The following HPSE2 variants were observed in gnomAD, a reference collection of about 807,000 sequenced individuals.
HPSE2 encodes inactive heparanase-2.
HPSE2 carries 38 observed loss-of-function variants against 60.5 expected under a neutral mutation model. That is an observed-to-expected ratio of 0.63 (90% CI 0.48 to 0.82). The LOEUF (loss-of-function observed/expected upper bound fraction) is 0.82. Among genes scored for constraint, HPSE2 ranks in the 40% least tolerant of loss-of-function variants. The probability of loss-of-function intolerance (pLI) is 0.00; values close to 1 mark genes in which losing one functional copy is unlikely to be tolerated. For synonymous variants in HPSE2, 295 were observed against 293.2 expected, an observed-to-expected ratio of 1.01 and a Z score of -0.06; for missense variants, 713 against 740.4, an observed-to-expected ratio of 0.96 and a Z score of 0.43.
At chr10:98,895,968 G>A (rs996553535) in intron 3 of HPSE2, among the ~76,000 whole-genome samples, 9 of 149,908 alleles carry the variant, frequency 6.0e-5, no homozygotes, top group Admixed American at 2.0e-4. Context: ...ATAGCCTTAG[G>A]AGATATGCCT....
chr10:99,150,690 T>C (rs1223417746), intron 2 of HPSE2, among the ~76,000 whole-genome samples: 1 of 152,204 alleles, frequency 6.6e-6, no homozygotes, highest in Non-Finnish European at 1.5e-5. Flanking sequence ...ATGCTTTCCA[T>C]GCAAGCTTGG....
chr10:99,172,351 G>A (rs1847343255), intron 2 of HPSE2, among the ~76,000 whole-genome samples: 1 of 152,128 alleles, frequency 6.6e-6, no homozygotes, highest in South Asian at 2.1e-4. Flanking sequence ...CAGCCTCAGG[G>A]GACCTACAGA....
intron 2 of HPSE2, among the ~76,000 whole-genome samples, chr10:99,202,881 T>C (rs1400988738): frequency 6.6e-6 from 1 of 152,102 alleles, no homozygotes; most frequent in Non-Finnish European, 1.5e-5. Context: ...GGGACAATTT[T>C]ACCCATGTCA....
chr10:98,891,710 C>A (rs1218163509), intron 3 of HPSE2, among the ~76,000 whole-genome samples: 3 of 152,158 alleles, frequency 2.0e-5, no homozygotes, highest in Non-Finnish European at 4.4e-5. Flanking sequence ...CCCAGCTCGG[C>A]CCCTCAAAGC....
At chr10:99,018,587 A>G (rs1283341375) in intron 3 of HPSE2, among the ~76,000 whole-genome samples, 2 of 129,628 alleles carry the variant, frequency 1.5e-5, no homozygotes, top group Admixed American at 7.5e-5. Flanking sequence ...ACAGAGTAGT[A>G]AAGTTTCCAA....
chr10:98,924,263 T>C (rs1431270158), intron 3 of HPSE2, among the ~76,000 whole-genome samples: 2 of 151,856 alleles, frequency 1.3e-5, no homozygotes, highest in African/African-American at 4.8e-5. Flanking sequence ...AACTGGGGGG[T>C]GTAGTGATGC....
intron 3 of HPSE2, among the ~76,000 whole-genome samples, chr10:98,911,526 A>G (rs749360359): frequency 2.6e-5 from 4 of 152,156 alleles, no homozygotes; most frequent in Admixed American, 2.0e-4. Flanking sequence ...CTGAAATAGC[A>G]CAGAGACATT....
the HPSE2 span, among the ~76,000 whole-genome samples, chr10:99,266,558 C>T: frequency 6.6e-6 from 1 of 152,130 alleles, no homozygotes; most frequent in East Asian, 1.9e-4. Context: ...TCTTTCTCTA[C>T]TCACCCTTGT....
chr10:99,285,064 T>G, the HPSE2 span, among the ~76,000 whole-genome samples: 3 of 152,132 alleles, frequency 2.0e-5, no homozygotes, highest in African/African-American at 7.2e-5. Flanking sequence ...ACTTTTATTT[T>G]AGAATCAGGG....
At chr10:99,184,328 C>G (rs1847888324) in intron 2 of HPSE2, among the ~76,000 whole-genome samples, 1 of 151,686 alleles carries the variant, frequency 6.6e-6, no homozygotes, top group African/African-American at 2.4e-5. Flanking sequence ...AGTTTGAGAC[C>G]AGCCTGACCA....
intron 2 of HPSE2, among the ~76,000 whole-genome samples, chr10:99,159,331 C>T (rs2060195988): frequency 6.6e-6 from 1 of 152,068 alleles, no homozygotes; most frequent in African/African-American, 2.4e-5. Flanking sequence ...AGGTTTCAAA[C>T]ATTTTCAAAA....
chr10:99,266,234 G>A, the HPSE2 span, among the ~76,000 whole-genome samples: 1 of 152,188 alleles, frequency 6.6e-6, no homozygotes, highest in South Asian at 2.1e-4. Flanking sequence ...TCTCAGCCAG[G>A]AGGCTGGTTG....
intron 11 of HPSE2, among the ~76,000 whole-genome samples, chr10:98,466,086 G>T: frequency 6.6e-6 from 1 of 152,246 alleles, no homozygotes; most frequent in East Asian, 1.9e-4. Flanking sequence ...CACTGTTCTC[G>T]ATAGCCATGG....
rs768889776 is a variant in HPSE2, at chr10:98,608,839, C to T, written c.1320+6065G>A. ...ACGGGAAAGAAAAGAAAGAGAAAGG[C>T]GGCTTCACCAAGAAACAGGTCACAG... On this transcript the variant is annotated intron_variant, in intron 9 of 11. Coordinates refer to ENST00000370552, the MANE Select transcript of HPSE2 (RefSeq NM_021828.5). Among the ~76,000 whole-genome samples, 12 of 152,068 alleles carry T rather than the reference C, an allele frequency of 7.9e-5. 1 individual carries two copies. Among genetic ancestry groups the T allele is most frequent in the Admixed American group, 5.2e-4 (8 of 15,274 alleles).
chr10:99,002,231 T>G (rs1283469821), intron 3 of HPSE2, among the ~76,000 whole-genome samples: 1 of 152,038 alleles, frequency 6.6e-6, no homozygotes, highest in Admixed American at 6.6e-5. Context: ...GATCAATAAA[T>G]GGGGAGAAAA....
At chr10:99,142,339 T>C (rs1845893234) in intron 3 of HPSE2, among the ~76,000 whole-genome samples, 2 of 152,192 alleles carry the variant, frequency 1.3e-5, no homozygotes, top group Admixed American at 1.3e-4. Flanking sequence ...TTCATAACAA[T>C]TAGAAAACCA....
intron 3 of HPSE2, among the ~76,000 whole-genome samples, chr10:98,821,439 A>C (rs1951421067): frequency 6.6e-6 from 1 of 152,180 alleles, no homozygotes; most frequent in East Asian, 1.9e-4. Flanking sequence ...GGTACAGTAA[A>C]AATAAGGTAT....
intron 7 of HPSE2, among the ~76,000 whole-genome samples, chr10:98,623,261 G>A (rs1335250376): frequency 3.9e-5 from 6 of 152,044 alleles, no homozygotes; most frequent in Admixed American, 1.3e-4. Flanking sequence ...TGAAATGTTC[G>A]GAATAGGCAA....
At chr10:99,070,870 T>C (rs1367802792) in intron 3 of HPSE2, among the ~76,000 whole-genome samples, 1 of 152,186 alleles carries the variant, frequency 6.6e-6, no homozygotes, top group African/African-American at 2.4e-5. Context: ...AATATTTCGT[T>C]GTACATGTTT....
Sources: gnomAD v4.1 joint callset for allele counts (sites outside exome capture counted in the v4.1 genomes callset) on GRCh38, gnomAD v4.1.1 for gene constraint, MANE v1.5 for transcripts, NCBI Gene and HGNC (gene_info 2026-07-23, HGNC 2026-07-21) for gene names.